Variants in LINGO2 observed in about 807,000 individuals in gnomAD.
LINGO2 encodes leucine-rich repeat and immunoglobulin-like domain-containing nogo receptor-interacting protein 2.
In LINGO2, 14 loss-of-function variants were observed where a neutral mutation model predicts 30.6. The ratio of observed to expected loss-of-function variants is 0.46; its 90% CI spans 0.30 to 0.72. LINGO2 has a LOEUF of 0.72. Ranked by LOEUF, LINGO2 falls within the 30% of genes least tolerant of loss-of-function variation. The pLI is 0.07. For synonymous variants in LINGO2, 317 were observed against 288.5 expected (o/e 1.10, Z -1.00); for missense variants, 729 against 751.7 (o/e 0.97, Z 0.35).
the LINGO2 span, among the ~76,000 whole-genome samples, chr9:28,883,628 G>GTATATATATATATATATATATA: frequency 3.1e-5 from 2 of 64,172 alleles, no homozygotes; most frequent in African/African-American, 5.8e-5. Flanking sequence ...ATGTGTGTGT[G>GTATATATATATATATATATATA]TATATATATA....
intron 1 of LINGO2, among the ~76,000 whole-genome samples, chr9:28,596,033 T>C (rs1825159053): frequency 6.6e-6 from 1 of 152,200 alleles, no homozygotes. Flanking sequence ...AAATTCTGCA[T>C]TGAATACACA....
chr9:28,181,063 C>T (rs957614413), intron 4 of LINGO2, among the ~76,000 whole-genome samples: 3 of 152,076 alleles, frequency 2.0e-5, no homozygotes, highest in Non-Finnish European at 4.4e-5. Context: ...TTCCCTAAAG[C>T]GTCACTCTAG....
At chr9:28,537,896 C>A (rs1388561582) in intron 1 of LINGO2, among the ~76,000 whole-genome samples, 1 of 151,394 alleles carries the variant, frequency 6.6e-6, no homozygotes, top group African/African-American at 2.4e-5. Context: ...TTAAACACTT[C>A]TTTTAGAAGA....
At chr9:28,334,151 C>T (rs1183744031) in intron 3 of LINGO2, among the ~76,000 whole-genome samples, 1 of 152,026 alleles carries the variant, frequency 6.6e-6, no homozygotes, top group African/African-American at 2.4e-5. Flanking sequence ...ATGTTGTGGA[C>T]ACATACATGT....
At chr9:28,374,010 T>C (rs1821014230) in intron 2 of LINGO2, among the ~76,000 whole-genome samples, 1 of 151,864 alleles carries the variant, frequency 6.6e-6, no homozygotes, top group Non-Finnish European at 1.5e-5. Flanking sequence ...CACAGATGCA[T>C]GTTACAGGCA....
chr9:28,241,480 G>T (rs1390790771), intron 4 of LINGO2, among the ~76,000 whole-genome samples: 1 of 151,980 alleles, frequency 6.6e-6, no homozygotes, highest in Non-Finnish European at 1.5e-5. Flanking sequence ...GAGGAAGGAA[G>T]GGCAGTGTGG....
At chr9:28,121,032 G>A (rs1018015154) in intron 4 of LINGO2, among the ~76,000 whole-genome samples, 2 of 152,056 alleles carry the variant, frequency 1.3e-5, no homozygotes, top group Admixed American at 1.3e-4. Flanking sequence ...GAGAATTTTG[G>A]GGGCTATGTT....
chr9:28,480,745 T>A (rs1180112701), intron 1 of LINGO2, among the ~76,000 whole-genome samples: 1 of 152,118 alleles, frequency 6.6e-6, no homozygotes, highest in Non-Finnish European at 1.5e-5. Flanking sequence ...ATTTTCTTAC[T>A]TTATTTTACT....
chr9:28,687,622 G>A, the LINGO2 span, among the ~76,000 whole-genome samples: 2 of 151,940 alleles, frequency 1.3e-5, no homozygotes, highest in African/African-American at 4.8e-5. Context: ...TCTCAGATCT[G>A]TCTTACACCA....
intron 4 of LINGO2, among the ~76,000 whole-genome samples, chr9:28,042,561 A>G (rs1033435649): frequency 1.3e-5 from 2 of 152,124 alleles, no homozygotes; most frequent in African/African-American, 4.8e-5. Flanking sequence ...TGAACCTCTT[A>G]TTAGCATGTC....
intron 5 of LINGO2, among the ~76,000 whole-genome samples, chr9:27,957,960 T>C (rs992636503): frequency 1.3e-5 from 2 of 152,230 alleles, no homozygotes; most frequent in African/African-American, 4.8e-5. Flanking sequence ...ATTTTTTGTC[T>C]TTCGCATTTG....
At chr9:28,866,027 G>C in the LINGO2 span, among the ~76,000 whole-genome samples, 2 of 152,028 alleles carry the variant, frequency 1.3e-5, no homozygotes, top group African/African-American at 2.4e-5. Context: ...GGCTTTGCTT[G>C]GTTTGTGAAT....
intron 4 of LINGO2, among the ~76,000 whole-genome samples, chr9:28,224,150 T>C (rs1055684840): frequency 3.9e-5 from 6 of 152,272 alleles, no homozygotes; most frequent in East Asian, 1.9e-4. Flanking sequence ...CTGCAAGCTC[T>C]GCCTCTCGGG....
chr9:28,888,973 G>C, the LINGO2 span: 1 of 521,342 alleles, frequency 1.9e-6, no homozygotes. Context: ...TTCTAAGCAG[G>C]AACCATTTGC....
chr9:28,196,717 GA>G (rs1310985065), intron 4 of LINGO2, among the ~76,000 whole-genome samples: 1 of 151,786 alleles, frequency 6.6e-6, no homozygotes, highest in Non-Finnish European at 1.5e-5. Flanking sequence ...AATACCCAAA[GA>G]TTATTTTTAA....
chr9:28,637,884 A>ATCCC (rs1486049669), intron 1 of LINGO2, among the ~76,000 whole-genome samples: 1 of 152,222 alleles, frequency 6.6e-6, no homozygotes, highest in Non-Finnish European at 1.5e-5. Context: ...GAGAGAGAGC[A>ATCCC]TCCCTGTCTT....
Position 28,314,338 on chromosome 9 carries a change from C to G in LINGO2, c.-245-18972G>C, listed in dbSNP as rs75974659. Among the ~76,000 whole-genome samples the G allele has an allele frequency of 4.0e-4, 61 of 152,218 alleles. No homozygotes were observed. The East Asian group carries it at 8.1e-3, about 20-fold the overall frequency. On this transcript the variant is annotated intron_variant, in intron 3 of 5. Transcript: ENST00000379992. The stretch of plus-strand genomic sequence containing the variant: ...TAGTTAGGGTAAACAAAAAGTTGAT[C>G]AATAAATCCACAAATCTTTCAATTT...
chr9:28,727,808 G>A, the LINGO2 span, among the ~76,000 whole-genome samples: 2 of 152,146 alleles, frequency 1.3e-5, no homozygotes, highest in African/African-American at 4.8e-5. Flanking sequence ...TGGACCAGAT[G>A]TGGACCAAGA....
At chr9:28,023,973 T>C (rs941250207) in intron 4 of LINGO2, among the ~76,000 whole-genome samples, 1 of 152,176 alleles carries the variant, frequency 6.6e-6, no homozygotes, top group African/African-American at 2.4e-5. Context: ...ATTTCATTTT[T>C]GCGTCTCTGG....
Sources: allele counts gnomAD v4.1 joint callset (sites outside exome capture counted in the v4.1 genomes callset), GRCh38; gene constraint gnomAD v4.1.1; transcripts MANE v1.5; gene names NCBI Gene and HGNC (gene_info 2026-07-23, HGNC 2026-07-21).